Variants in DGLUCY observed in about 807,000 individuals in gnomAD.
DGLUCY encodes D-glutamate cyclase.
Under a neutral mutation model 58.5 loss-of-function variants are expected in DGLUCY, and 58 were observed. The ratio of observed to expected loss-of-function variants is 0.99; its 90% CI spans 0.80 to 1.23. DGLUCY has a LOEUF of 1.23. Ranked by LOEUF, DGLUCY falls within the 50% of genes most tolerant of loss-of-function variation. The pLI, the probability that DGLUCY is intolerant of heterozygous loss-of-function variation, is 0.00. For missense variants in DGLUCY, 779 were observed against 784.7 expected (o/e 0.99, Z 0.09); for synonymous variants, 325 against 314.1 (o/e 1.03, Z -0.37).
At chr14:91,201,443 C>T (rs150314064) in intron 11 of DGLUCY, among the ~76,000 whole-genome samples, 153 of 152,056 alleles carry the variant, frequency 1.0e-3, no homozygotes, top group Middle Eastern at 6.8e-3. Flanking sequence ...GGACTATAGG[C>T]GCATGCCACC....
intron 1 of DGLUCY, among the ~76,000 whole-genome samples, chr14:91,151,648 CT>C (rs2047343659): frequency 1.4e-5 from 2 of 147,088 alleles, no homozygotes; most frequent in Non-Finnish European, 1.5e-5. Flanking sequence ...TTTATTTTTT[CT>C]TTTCTTTTCT....
chr14:91,075,002 G>A (rs768673696), intron 1 of DGLUCY, among the ~76,000 whole-genome samples: 6 of 151,610 alleles, frequency 4.0e-5, no homozygotes, highest in Non-Finnish European at 5.9e-5. Context: ...AACCCAGGAG[G>A]TGGAAGTTGC....
intron 12 of DGLUCY, among the ~76,000 whole-genome samples, chr14:91,205,757 TTC>T (rs1884483511): frequency 9.3e-6 from 1 of 107,252 alleles, no homozygotes; most frequent in African/African-American, 5.0e-5. Flanking sequence ...GGGCATTCTC[TTC>T]TTCTTCTTCT....
intron 11 of DGLUCY, among the ~76,000 whole-genome samples, chr14:91,203,303 C>G (rs1302890464): frequency 6.6e-6 from 1 of 152,198 alleles, no homozygotes; most frequent in Non-Finnish European, 1.5e-5. Flanking sequence ...TGGTCCTTCA[C>G]AATTGTGTCA....
chr14:91,102,368 T>A (rs575918629), intron 1 of DGLUCY, among the ~76,000 whole-genome samples: 25 of 152,252 alleles, frequency 1.6e-4, no homozygotes, highest in Non-Finnish European at 2.6e-4. Flanking sequence ...TGTCCTTTTG[T>A]CTCATGTCCA....
At chr14:91,168,474 G>T (rs1418843204) in intron 4 of DGLUCY, among the ~76,000 whole-genome samples, 1 of 152,042 alleles carries the variant, frequency 6.6e-6, no homozygotes, top group Non-Finnish European at 1.5e-5. Context: ...GTCCTTTGGA[G>T]ACCCCATCTG....
intron 1 of DGLUCY, among the ~76,000 whole-genome samples, chr14:91,099,528 C>CAA (rs11349730): frequency 7.4e-6 from 1 of 134,640 alleles, no homozygotes. Flanking sequence ...GACCCAATCT[C>CAA]AAAAAAAAAA....
intron 7 of DGLUCY, 100 bp from the exon 8 acceptor site, chr14:91,181,086 G>A: frequency 1.8e-6 from 2 of 1,137,344 alleles, no homozygotes; most frequent in Non-Finnish European, 1.3e-6. Flanking sequence ...AGGCTGAGTT[G>A]ATGGCCAGGT....
At chr14:91,068,247 A>G (rs1185048421) in intron 1 of DGLUCY, among the ~76,000 whole-genome samples, 4 of 152,218 alleles carry the variant, frequency 2.6e-5, no homozygotes, top group Admixed American at 2.6e-4. Context: ...CAGATGAGGA[A>G]CACTAGGACG....
chr14:91,188,846 C>T, intron 8 of DGLUCY, 64 bp from the exon 9 acceptor site: 1 of 1,488,016 alleles, frequency 6.7e-7, no homozygotes, highest in Admixed American at 2.1e-5. Context: ...TAAATACATA[C>T]ATACATACAT....
chr14:91,191,278 G>A (rs2049875096), intron 9 of DGLUCY, among the ~76,000 whole-genome samples: 1 of 152,294 alleles, frequency 6.6e-6, no homozygotes, highest in South Asian at 2.1e-4. Flanking sequence ...GTAGAATGGT[G>A]GTTGCCAGTG....
chr14:91,187,774 TTTC>T (rs2049612740), intron 8 of DGLUCY, among the ~76,000 whole-genome samples: 3 of 152,314 alleles, frequency 2.0e-5, no homozygotes, highest in Admixed American at 2.0e-4. Context: ...GACCCCACAG[TTTC>T]TTAGAGAATC....
At chr14:91,169,388 A>G (rs1321068939) in intron 4 of DGLUCY, among the ~76,000 whole-genome samples, 1 of 148,770 alleles carries the variant, frequency 6.7e-6, no homozygotes, top group Non-Finnish European at 1.5e-5. Context: ...AGAGGCCACC[A>G]TTTACTTTTC....
At chr14:91,167,164 CAGTA>C (rs1037971621) in intron 3 of DGLUCY, 57 bp from the exon 4 acceptor site, 71 of 1,480,554 alleles carry the variant, frequency 4.8e-5, no homozygotes, top group Non-Finnish European at 6.3e-5. Flanking sequence ...GAAAGAAAAT[CAGTA>C]AGTGTCTGCC....
chr14:91,063,007 A>G (rs935577198), intron 1 of DGLUCY, among the ~76,000 whole-genome samples: 1 of 152,214 alleles, frequency 6.6e-6, no homozygotes, highest in Non-Finnish European at 1.5e-5. Flanking sequence ...CAACAGATAT[A>G]AATATTAATC....
rs532548237 is a variant in DGLUCY, at chr14:91,157,680, G to T, written c.-40G>T. The stretch of plus-strand genomic sequence containing the variant: ...TGTTTAACCCTGCCTTCAAAGGGAC[G>T]ACTCTGTAAGGTAGGGGCTCTCAGC... On this transcript the variant is annotated 5_prime_UTR_variant, in exon 2 of 14. Transcript: ENST00000256324. 3.3e-5 allele frequency: 5 copies of T among 151,970 alleles called. No individual in the cohort carries two copies. Among genetic ancestry groups the T allele is most frequent in the African/African-American group, 1.2e-4 (5 of 41,346 alleles). 9.4% of individuals were successfully genotyped at this position (151,970 alleles called of 1,614,324 possible). A position where few individuals can be genotyped will look rare whatever the true frequency, so the allele number is the denominator to read the frequency against.
chr14:91,173,389 G>A lies in DGLUCY; in HGVS notation c.557G>A (p.Cys186Tyr). The A allele has an allele frequency of 6.2e-7, 1 of 1,612,358 alleles. No individual in the cohort carries two copies. Among genetic ancestry groups the A allele is most frequent in the Non-Finnish European group, 8.5e-7 (1 of 1,179,616 alleles). Reference protein sequence around the residue: ...KDKLEGLVRACCSLGGEQGQP... With the variant: ...KDKLEGLVRAYCSLGGEQGQP... ...AAGCTGGAAGGGCTGGTGCGGGCCT[G>A]CTGCTCCCTCGGAGGTGAGCAGGGG... Residue 186 changes from cysteine (C) to tyrosine (Y), a missense_variant, in exon 6 of 14, where the codon TGC (cysteine) becomes TAC (tyrosine). By Grantham distance (194) the Cys-to-Tyr change is radical. Coordinates refer to ENST00000256324, the MANE Select transcript of DGLUCY (RefSeq NM_001102368.3).
intron 13 of DGLUCY, among the ~76,000 whole-genome samples, chr14:91,219,251 GT>G (rs1398067157): frequency 1.3e-5 from 2 of 152,170 alleles, no homozygotes; most frequent in African/African-American, 4.8e-5. Flanking sequence ...AGCTCAGCAA[GT>G]TCAGTGAAGG....
At chr14:91,089,453 G>A (rs1595628142) in intron 1 of DGLUCY, among the ~76,000 whole-genome samples, 1 of 152,226 alleles carries the variant, frequency 6.6e-6, no homozygotes, top group Non-Finnish European at 1.5e-5. Flanking sequence ...GCAGCTTTGC[G>A]TGCTTTATGT....
Sources: gnomAD v4.1 joint callset for allele counts (sites outside exome capture counted in the v4.1 genomes callset) on GRCh38, gnomAD v4.1.1 for gene constraint, MANE v1.5 for transcripts, NCBI Gene and HGNC (gene_info 2026-07-23, HGNC 2026-07-21) for gene names.